PAX7: variants seen among roughly 807,000 people sequenced by gnomAD.
PAX7 encodes paired box protein Pax-7.
A neutral mutation model predicts 50.7 loss-of-function variants in PAX7; 18 were observed. That is an observed-to-expected ratio of 0.36 (90% CI 0.25 to 0.53). PAX7 has a LOEUF of 0.53. PAX7 is among the 20% of genes least tolerant of loss of function. PAX7 has a pLI of 0.93. For missense variants in PAX7, 644 were observed against 702.9 expected (o/e 0.92, Z 0.95); for synonymous variants, 310 against 290.4 (o/e 1.07, Z -0.69).
chr1:18,653,257 G>A (rs2088462303), intron 4 of PAX7, among the ~76,000 whole-genome samples: 1 of 151,830 alleles, frequency 6.6e-6, no homozygotes, highest in South Asian at 2.1e-4. Flanking sequence ...TTGCGCTTGG[G>A]TTTATGAATT....
At position 18,748,814 on chromosome 1, in the gene PAX7, G is replaced by A. The variant is rs925450534; in HGVS notation, c.*3885G>A. On this transcript the variant is annotated 3_prime_UTR_variant, in exon 9 of 9. Transcript: ENST00000420770. ...CTTTAACTACCTGCTGCTTGTAAGC[G>A]CTTCCTCTGTAACTCAGGCGTAACT... The A allele has an allele frequency of 6.5e-5, 14 of 214,804 alleles. No homozygotes were observed. Among genetic ancestry groups the A allele is most frequent in the African/African-American group, 2.5e-4 (11 of 44,218 alleles). The allele number at this position is 214,804 out of a possible 1,614,324, so 13.3% of individuals were successfully genotyped here.
At chr1:18,672,026 G>A (rs954180471) in intron 4 of PAX7, among the ~76,000 whole-genome samples, 1 of 151,822 alleles carries the variant, frequency 6.6e-6, no homozygotes, top group African/African-American at 2.4e-5. Context: ...GAATAATAAA[G>A]TTCCTGTTGG....
intron 4 of PAX7, among the ~76,000 whole-genome samples, chr1:18,652,397 C>T (rs925189011): frequency 8.5e-5 from 13 of 152,270 alleles, no homozygotes; most frequent in African/African-American, 3.1e-4. Flanking sequence ...AGCTCACACA[C>T]TGGGGGAAGA....
chr1:18,643,771 G>C (rs1022314998), intron 4 of PAX7, among the ~76,000 whole-genome samples: 1 of 152,346 alleles, frequency 6.6e-6, no homozygotes, highest in African/African-American at 2.4e-5. Flanking sequence ...ATTACAGCAC[G>C]TCCCGGCGGC....
chr1:18,691,638 A>T, intron 4 of PAX7, 116 bp from the exon 5 acceptor site: 1 of 792,826 alleles, frequency 1.3e-6, no homozygotes, highest in Non-Finnish European at 2.0e-6. Flanking sequence ...GTCTGATCGA[A>T]GTGCAGTCAT....
At chr1:18,664,300 G>A (rs1028492313) in intron 4 of PAX7, among the ~76,000 whole-genome samples, 35 of 152,328 alleles carry the variant, frequency 2.3e-4, no homozygotes, top group Admixed American at 2.0e-3. Context: ...CCTCTGAGGC[G>A]GTAGTGACCT....
At chr1:18,644,142 C>T (rs2088303320) in intron 4 of PAX7, among the ~76,000 whole-genome samples, 1 of 152,228 alleles carries the variant, frequency 6.6e-6, no homozygotes, top group African/African-American at 2.4e-5. Flanking sequence ...GGAGGCAACC[C>T]AGGGCGAGCT....
At position 18,644,857 on chromosome 1, in the gene PAX7, A is replaced by C. The variant is rs941639501; in HGVS notation, c.586+8486A>C. 4.1e-4 allele frequency among the ~76,000 whole-genome samples: 63 copies of C among 152,096 alleles called. 2 individuals are homozygous for C. ...TTTACCTATACCACCCAAAAGAGAA[A>C]TTTTCCTCTGGAGTGTATGTGTGTG... On this transcript the variant is annotated intron_variant, in intron 4 of 8. Transcript: ENST00000420770.
intron 7 of PAX7, among the ~76,000 whole-genome samples, chr1:18,717,522 G>T (rs775814300): frequency 6.6e-6 from 1 of 152,142 alleles, no homozygotes; most frequent in Non-Finnish European, 1.5e-5. Flanking sequence ...CAGCTCAGAG[G>T]TTGTTTGCTC....
chr1:18,691,682 C>A, intron 4 of PAX7, 72 bp from the exon 5 acceptor site: 1 of 1,402,716 alleles, frequency 7.1e-7, no homozygotes, highest in Non-Finnish European at 9.8e-7. Flanking sequence ...GCCTTGTGCT[C>A]TCCTCCCAGA....
chr1:18,631,382 C>G lies in PAX7; in HGVS notation c.-222C>G, dbSNP rs1020710432. ...CCTCGTCGTCGCCACCTTCCCTCCC[C>G]CCAACCTCCACCCCACCTCACCCCC... On this transcript the variant is annotated 5_prime_UTR_variant, in exon 1 of 9. Transcript: ENST00000420770. 4.0e-5 allele frequency: 22 copies of G among 553,624 alleles called. No homozygotes were observed. The highest frequency in any genetic ancestry group is 2.6e-4 in the South Asian group (11 of 42,358). The allele number at this position is 553,624 out of a possible 1,614,324, so 34.3% of individuals were successfully genotyped here. A position where few individuals can be genotyped will look rare whatever the true frequency, so the allele number is the denominator to read the frequency against.
rs200915274 is a variant in PAX7 at position 18,735,952 on chromosome 1, G to A, written c.1402+74G>A. On this transcript the variant is annotated intron_variant, in intron 8 of 8. Coordinates refer to ENST00000420770, the MANE Select transcript of PAX7 (RefSeq NM_001135254.2). This position sits in a 1 kb window ranked among gnomAD's most constrained non-coding sequence, Gnocchi z 4.0. ...CCCCCAGGGCCTCCTGCTTGTTTAT[G>A]GAGAGCTACAAGGTGGTGTCAGGGT... 126 of 1,613,744 alleles carry A rather than the reference G, an allele frequency of 7.8e-5. 1 individual carries two copies. The highest frequency in any genetic ancestry group is 1.1e-4 in the Non-Finnish European group (124 of 1,180,012).
In PAX7 at chr1:18,715,741, G is replaced by A. The variant is rs944955279; in HGVS notation, c.1155+12445G>A. On this transcript the variant is annotated intron_variant, in intron 7 of 8. Coordinates refer to ENST00000420770, the MANE Select transcript of PAX7 (RefSeq NM_001135254.2). The stretch of plus-strand genomic sequence containing the variant: ...TGCCCATTTTATAGAGCTAGCCTGA[G>A]AAGTGTGTTCATATATGCAAAGCAT... Among the ~76,000 whole-genome samples the A allele has an allele frequency of 3.9e-5, 6 of 152,310 alleles. No homozygotes were observed. The East Asian group carries it at 1.2e-3, about 29-fold the overall frequency.
At chr1:18,716,514 T>TG in intron 7 of PAX7, among the ~76,000 whole-genome samples, 1 of 26,514 alleles carries the variant, frequency 3.8e-5, no homozygotes, top group South Asian at 1.2e-3. Flanking sequence ...GTTTTTTGTT[T>TG]TTTTCACACA....
intron 8 of PAX7, among the ~76,000 whole-genome samples, chr1:18,736,865 C>G (rs924078341): frequency 2.0e-5 from 3 of 152,226 alleles, no homozygotes; most frequent in Admixed American, 6.5e-5. Flanking sequence ...TCGCACTAGC[C>G]ACATTTCAAG....
At chr1:18,656,453 T>G (rs891798587) in intron 4 of PAX7, among the ~76,000 whole-genome samples, 1 of 152,096 alleles carries the variant, frequency 6.6e-6, no homozygotes, top group Admixed American at 6.5e-5. Context: ...CGAGCCGAGA[T>G]ACCGCCACTG....
intron 6 of PAX7, among the ~76,000 whole-genome samples, chr1:18,702,282 G>A (rs929604411): frequency 1.3e-5 from 2 of 152,042 alleles, no homozygotes; most frequent in African/African-American, 4.8e-5. Flanking sequence ...GAGGTTGCAC[G>A]GAGCCCAGAT....
chr1:18,636,077 G>C lies in PAX7; in HGVS notation c.452-160G>C, dbSNP rs112041332. On this transcript the variant is annotated intron_variant, in intron 3 of 8. Transcript: ENST00000420770. This position sits in a 1 kb window ranked among gnomAD's most constrained non-coding sequence, Gnocchi z 5.1. ...CTTCTCCAAGTGGATGCTGGTTATG[G>C]AGTACGTGTCAATGCCTAAATGCCT... 2.6e-3 allele frequency among the ~76,000 whole-genome samples: 402 copies of C among 152,282 alleles called. 4 individuals carry two copies. Among genetic ancestry groups the C allele is most frequent in the African/African-American group, 9.4e-3 (391 of 41,546 alleles).
chr1:18,657,933 C>A (rs2088546277), intron 4 of PAX7, among the ~76,000 whole-genome samples: 1 of 152,196 alleles, frequency 6.6e-6, no homozygotes, highest in Admixed American at 6.5e-5. Context: ...GGCCCCAGGG[C>A]CCGCAGGCGA....
Sources: allele counts gnomAD v4.1 joint callset (sites outside exome capture counted in the v4.1 genomes callset), GRCh38; gene constraint gnomAD v4.1.1; non-coding constraint Gnocchi (gnomAD v3.1); transcripts MANE v1.5; gene names NCBI Gene and HGNC (gene_info 2026-07-23, HGNC 2026-07-21).